Variants in GRB10 observed in about 807,000 individuals in gnomAD.
GRB10 encodes the protein growth factor receptor-bound protein 10.
GRB10 carries 20 observed loss-of-function variants against 80.9 expected under a neutral mutation model. The ratio of observed to expected loss-of-function variants is 0.25; its 90% CI spans 0.17 to 0.36. The LOEUF (loss-of-function observed/expected upper bound fraction) is 0.36, where lower values mean the gene tolerates loss of function less well. Ranked by LOEUF, GRB10 falls within the 10% of genes least tolerant of loss-of-function variation. The pLI, the probability that GRB10 is intolerant of heterozygous loss-of-function variation, is 1.00. For missense variants in GRB10, 548 were observed against 747.7 expected (o/e 0.73, Z 3.12); for synonymous variants, 291 against 291.5 (o/e 1.00, Z 0.02).
intron 5 of GRB10, among the ~76,000 whole-genome samples, chr7:50,693,658 G>A (rs2063090130): frequency 6.6e-6 from 1 of 152,074 alleles, no homozygotes; most frequent in Admixed American, 6.5e-5. Flanking sequence ...TTTGATTCCA[G>A]CTCAGGAGGC....
intron 2 of GRB10, among the ~76,000 whole-genome samples, chr7:50,773,191 G>A (rs995928649): frequency 6.6e-6 from 1 of 151,750 alleles, no homozygotes; most frequent in African/African-American, 2.4e-5. Flanking sequence ...GAATAGCATG[G>A]GAAAGACCCA....
chr7:50,660,642 C>T (rs2059165676), intron 7 of GRB10, among the ~76,000 whole-genome samples: 1 of 152,112 alleles, frequency 6.6e-6, no homozygotes, highest in African/African-American at 2.4e-5. Context: ...TGGTTACAGG[C>T]AGGTGGCTTC....
At chr7:50,765,587 T>C (rs775925788) in intron 2 of GRB10, among the ~76,000 whole-genome samples, 1 of 152,118 alleles carries the variant, frequency 6.6e-6, no homozygotes, top group Non-Finnish European at 1.5e-5. Flanking sequence ...AGCTATGAAG[T>C]GGATCTCATG....
chr7:50,694,863 C>T (rs534592745), intron 5 of GRB10, among the ~76,000 whole-genome samples: 2 of 152,136 alleles, frequency 1.3e-5, no homozygotes, highest in South Asian at 4.2e-4. Flanking sequence ...GCAAATAAGC[C>T]AATAACAAAA....
At chr7:50,722,743 G>A (rs868598271) in intron 4 of GRB10, among the ~76,000 whole-genome samples, 1 of 152,112 alleles carries the variant, frequency 6.6e-6, no homozygotes, top group African/African-American at 2.4e-5. Flanking sequence ...CTCCTTCCCC[G>A]ACATTACTTA....
intron 7 of GRB10, among the ~76,000 whole-genome samples, chr7:50,662,544 G>A (rs1352940891): frequency 6.6e-6 from 1 of 152,200 alleles, no homozygotes. Context: ...GCTGACCTCA[G>A]AGGTCTGGGA....
At chr7:50,773,758 G>A (rs1050342366) in intron 2 of GRB10, among the ~76,000 whole-genome samples, 2 of 152,134 alleles carry the variant, frequency 1.3e-5, no homozygotes, top group African/African-American at 4.8e-5. Context: ...GTTTACAGAA[G>A]CATTATTCAC....
At chr7:50,626,642 G>A (rs1365775051) in intron 8 of GRB10, among the ~76,000 whole-genome samples, 180 bp downstream of exon 8, 1 of 152,218 alleles carries the variant, frequency 6.6e-6, no homozygotes, top group African/African-American at 2.4e-5. Flanking sequence ...TAGGGGAAAG[G>A]GGCTGGAGGG....
chr7:50,752,236 C>T lies in GRB10; in HGVS notation c.-47+3651G>A, dbSNP rs565701631. 9.2e-5 allele frequency among the ~76,000 whole-genome samples: 14 copies of T among 152,060 alleles called. 1 individual carries two copies. The South Asian group carries it at 2.9e-3, about 32-fold the overall frequency. ...TTATTAGGGGGGAAAAAATGAGGGG[C>T]TACAAAAATAGAAAAGGATAAACAG... On this transcript the variant is annotated intron_variant, in intron 3 of 18. Coordinates refer to ENST00000401949, the MANE Select transcript of GRB10 (RefSeq NM_001350814.2).
chr7:50,743,892 T>C (rs912870825), intron 3 of GRB10, among the ~76,000 whole-genome samples: 8 of 151,932 alleles, frequency 5.3e-5, no homozygotes, highest in African/African-American at 1.9e-4. Context: ...AACAGAAAAC[T>C]TGAGCAAAGG....
intron 5 of GRB10, among the ~76,000 whole-genome samples, chr7:50,678,711 C>T (rs1200647114): frequency 6.6e-6 from 1 of 152,106 alleles, no homozygotes; most frequent in Non-Finnish European, 1.5e-5. Context: ...TGAAATCACA[C>T]TGAGTTCTTA....
At chr7:50,780,517 C>T (rs892235605) in intron 2 of GRB10, 110 bp downstream of exon 2, 5 of 152,190 alleles carry the variant, frequency 3.3e-5, no homozygotes, top group African/African-American at 1.2e-4. Context: ...AGTTCTCAGA[C>T]TTTATACTTG....
chr7:50,664,474 G>A (rs965145267), intron 7 of GRB10, among the ~76,000 whole-genome samples: 1 of 152,214 alleles, frequency 6.6e-6, no homozygotes, highest in African/African-American at 2.4e-5. Context: ...GTGTGTCTGT[G>A]GGGGCAGGGG....
rs1258072711 is a variant in GRB10, at chr7:50,591,761, G to A, written c.*1191C>T. 5 of 152,350 alleles carry A rather than the reference G, an allele frequency of 3.3e-5. No individual in the cohort carries two copies. The East Asian group carries it at 9.6e-4, about 29-fold the overall frequency. The allele number at this position is 152,350 out of a possible 1,614,324, so 9.4% of individuals were successfully genotyped here. On this transcript the variant is annotated 3_prime_UTR_variant, in exon 19 of 19. Coordinates refer to ENST00000401949, the MANE Select transcript of GRB10 (RefSeq NM_001350814.2). ...GAGGAGGAGCCTCTAGCTGCTCTGT[G>A]TTCACTGGCTTATGGGGGTTTTCAG... is the stretch of plus-strand genomic sequence containing the variant.
chr7:50,599,385 C>A (rs995950469), intron 17 of GRB10, among the ~76,000 whole-genome samples: 1 of 152,178 alleles, frequency 6.6e-6, no homozygotes, highest in African/African-American at 2.4e-5. Flanking sequence ...TTTAAACTGG[C>A]TTGCCTTCAT....
intron 3 of GRB10, among the ~76,000 whole-genome samples, chr7:50,742,267 GCGCGCA>G (rs2071961282): frequency 2.4e-3 from 74 of 30,994 alleles, no homozygotes; most frequent in Middle Eastern, 0.091. Context: ...GCGCACGCGC[GCGCGCA>G]CACACACACA....
intron 4 of GRB10, among the ~76,000 whole-genome samples, chr7:50,730,066 C>T (rs2069392112): frequency 1.3e-5 from 2 of 152,236 alleles, no homozygotes; most frequent in South Asian, 2.1e-4. Flanking sequence ...ACCAAAACTT[C>T]GGTATGGAAA....
chr7:50,778,406 C>T (rs971180419), intron 2 of GRB10, among the ~76,000 whole-genome samples: 10 of 152,182 alleles, frequency 6.6e-5, no homozygotes, highest in African/African-American at 2.4e-4. Context: ...TCCCATGGAG[C>T]CCATCAATGC....
At chr7:50,744,650 G>C (rs1439578630) in intron 3 of GRB10, among the ~76,000 whole-genome samples, 4 of 152,032 alleles carry the variant, frequency 2.6e-5, no homozygotes, top group Non-Finnish European at 5.9e-5. Context: ...CAAAGTTTAC[G>C]GTATTGCATT....
Sources: allele counts gnomAD v4.1 joint callset (sites outside exome capture counted in the v4.1 genomes callset), GRCh38; gene constraint gnomAD v4.1.1; transcripts MANE v1.5; gene names NCBI Gene and HGNC (gene_info 2026-07-23, HGNC 2026-07-21).